Variants in LARP4B observed in about 807,000 individuals in gnomAD.
LARP4B encodes the protein La ribonucleoprotein 4B.
In LARP4B, 12 loss-of-function variants were observed where a neutral mutation model predicts 89.8. The observed-to-expected ratio is 0.13, with a 90% CI of 0.09 to 0.22. LARP4B has a LOEUF of 0.22. LARP4B is among the 10% of genes least tolerant of loss of function. The probability of loss-of-function intolerance (pLI) is 1.00; values close to 1 mark genes in which losing one functional copy is unlikely to be tolerated. For synonymous variants in LARP4B, 367 were observed against 363.3 expected (o/e 1.01, Z -0.12); for missense variants, 757 against 947.7 (o/e 0.80, Z 2.64).
chr10:976,376 G>T, the LARP4B span, among the ~76,000 whole-genome samples: 1 of 151,620 alleles, frequency 6.6e-6, no homozygotes, highest in Non-Finnish European at 1.5e-5. Flanking sequence ...GCCCGGCTTA[G>T]TAGAATGTAG....
chr10:813,605 G>A (rs943268432), intron 17 of LARP4B, among the ~76,000 whole-genome samples: 1 of 152,102 alleles, frequency 6.6e-6, no homozygotes, highest in South Asian at 2.1e-4. Context: ...CCCTCACACG[G>A]TACTCAACCC....
At chr10:808,076 G>A (rs1831616774), downstream of LARP4B, 1 of 152,272 alleles carries the variant, frequency 6.6e-6, no homozygotes, top group South Asian at 2.1e-4. Flanking sequence ...TTTGGTGGGT[G>A]GAGGCGGAAT....
At chr10:819,725 T>G (rs927304045) in intron 14 of LARP4B, 3 of 152,238 alleles carry the variant, frequency 2.0e-5, no homozygotes, top group Non-Finnish European at 4.4e-5. Context: ...TAATTCCAAT[T>G]GCAATTAACT....
the LARP4B span, among the ~76,000 whole-genome samples, chr10:966,239 G>C: frequency 6.6e-6 from 1 of 152,144 alleles, no homozygotes; most frequent in African/African-American, 2.4e-5. Flanking sequence ...AGGATTGATT[G>C]AGGCCAGGAG....
the LARP4B span, among the ~76,000 whole-genome samples, chr10:965,008 C>T: frequency 1.3e-5 from 2 of 152,352 alleles, no homozygotes; most frequent in Admixed American, 6.5e-5. Flanking sequence ...GGGGCCTCCA[C>T]CCAGGGCTGC....
At chr10:876,602 T>C (rs2131899235) in intron 3 of LARP4B, among the ~76,000 whole-genome samples, 1 of 152,292 alleles carries the variant, frequency 6.6e-6, no homozygotes, top group East Asian at 1.9e-4. Flanking sequence ...ATGGCTTTGC[T>C]GGGCTCAGTC....
the LARP4B span, among the ~76,000 whole-genome samples, chr10:985,003 C>T: frequency 6.6e-6 from 1 of 152,184 alleles, no homozygotes; most frequent in Non-Finnish European, 1.5e-5. Context: ...CAAAGCCACT[C>T]TCGGCTGGCA....
At chr10:856,422 G>A (rs533305920) in intron 5 of LARP4B, among the ~76,000 whole-genome samples, 1 of 152,190 alleles carries the variant, frequency 6.6e-6, no homozygotes, top group Non-Finnish European at 1.5e-5. Flanking sequence ...AATCTAAAAA[G>A]AACAATTAAC....
intron 1 of LARP4B, among the ~76,000 whole-genome samples, chr10:899,426 A>C (rs750315326): frequency 1.3e-5 from 2 of 152,222 alleles, no homozygotes; most frequent in Non-Finnish European, 2.9e-5. Flanking sequence ...TGTTCTGCAC[A>C]TTCTATTGCC....
chr10:873,529 G>A, intron 3 of LARP4B: 1 of 461,136 alleles, frequency 2.2e-6, no homozygotes, highest in Non-Finnish European at 2.9e-6. Context: ...TATATTTCAT[G>A]GGATGGTGGT....
chr10:845,391 C>A (rs936807679), intron 5 of LARP4B, among the ~76,000 whole-genome samples: 1 of 152,122 alleles, frequency 6.6e-6, no homozygotes, highest in African/African-American at 2.4e-5. Context: ...CCTACACAAA[C>A]ACAAACCCTA....
chr10:977,327 T>C, the LARP4B span, among the ~76,000 whole-genome samples: 1 of 152,046 alleles, frequency 6.6e-6, no homozygotes, highest in Admixed American at 6.6e-5. Flanking sequence ...CTAATTATTT[T>C]ATCTTTTGTA....
At chr10:961,148 G>A in the LARP4B span, among the ~76,000 whole-genome samples, 1 of 152,236 alleles carries the variant, frequency 6.6e-6, no homozygotes, top group South Asian at 2.1e-4. Context: ...GATCTGCCTT[G>A]CAAGAAATGT....
chr10:906,780 T>C (rs1487063501), intron 1 of LARP4B, among the ~76,000 whole-genome samples: 2 of 152,242 alleles, frequency 1.3e-5, no homozygotes, highest in South Asian at 2.1e-4. Context: ...GGACATATCA[T>C]TGACTCAGGT....
chr10:872,436 C>A (rs1835263160), intron 3 of LARP4B, among the ~76,000 whole-genome samples: 1 of 152,246 alleles, frequency 6.6e-6, no homozygotes, highest in South Asian at 2.1e-4. Context: ...CCCAGCTCCT[C>A]TGCCACGCTT....
intron 1 of LARP4B, among the ~76,000 whole-genome samples, chr10:916,555 C>A (rs984648440): frequency 6.6e-6 from 1 of 152,100 alleles, no homozygotes; most frequent in Non-Finnish European, 1.5e-5. Flanking sequence ...ACTAGCCAGG[C>A]GTGGTGGCGC....
chr10:880,669 AAC>A (rs1185860671), intron 3 of LARP4B, among the ~76,000 whole-genome samples: 1 of 151,642 alleles, frequency 6.6e-6, no homozygotes, highest in African/African-American at 2.4e-5. Flanking sequence ...CAGCCTGAGT[AAC>A]AGAGTGAGGC....
the LARP4B span, among the ~76,000 whole-genome samples, chr10:957,324 G>A: frequency 6.6e-6 from 1 of 151,974 alleles, no homozygotes; most frequent in Non-Finnish European, 1.5e-5. Flanking sequence ...CATCACACTC[G>A]GCTGATTTTT....
At chr10:934,369 A>C (rs1830720995), upstream of LARP4B, among the ~76,000 whole-genome samples, 1 of 152,028 alleles carries the variant, frequency 6.6e-6, no homozygotes, top group Non-Finnish European at 1.5e-5. Context: ...CATGTGGTGC[A>C]TGGCTGTGGT....
Sources: gnomAD v4.1 joint callset for allele counts (sites outside exome capture counted in the v4.1 genomes callset) on GRCh38, gnomAD v4.1.1 for gene constraint, MANE v1.5 for transcripts, NCBI Gene and HGNC (gene_info 2026-07-23, HGNC 2026-07-21) for gene names.